The following CALN1 variants were observed in gnomAD, a reference collection of about 807,000 sequenced individuals.
The protein encoded by CALN1 is calcium-binding protein 8.
Under a neutral mutation model 30.6 loss-of-function variants are expected in CALN1, and 17 were observed. That is an observed-to-expected ratio of 0.56 (90% CI 0.38 to 0.83). The LOEUF is 0.83. Ranked by LOEUF, CALN1 falls within the 40% of genes least tolerant of loss-of-function variation. The pLI is 0.00. For missense variants in CALN1, 291 were observed against 354.9 expected, an observed-to-expected ratio of 0.82 and a Z score of 1.45; for synonymous variants, 156 against 131.4, an observed-to-expected ratio of 1.19 and a Z score of -1.28.
intron 2 of CALN1, among the ~76,000 whole-genome samples, chr7:72,320,698 G>A (rs1029419913): frequency 6.6e-6 from 1 of 151,980 alleles, no homozygotes; most frequent in South Asian, 2.1e-4. Flanking sequence ...ACCCAGGCAT[G>A]GTGGCATGCA....
chr7:71,786,844 C>G lies in CALN1; in HGVS notation c.*931G>C, dbSNP rs535625215. The stretch of plus-strand genomic sequence containing the variant: ...ACCGCCAGTCCCAGTCCCCTCCCCC[C>G]TCAACCTGCCTCACCCCTGCCCCAA... On this transcript the variant is annotated 3_prime_UTR_variant, in exon 7 of 7. Coordinates refer to ENST00000395275, the MANE Select transcript of CALN1 (RefSeq NM_031468.4). 1 of 152,694 alleles carries G rather than the reference C, an allele frequency of 6.5e-6. No individual in the cohort carries two copies. Among genetic ancestry groups the G allele is most frequent in the Admixed American group, 6.5e-5 (1 of 15,294 alleles). 9.5% of individuals were successfully genotyped at this position (152,694 alleles called of 1,614,324 possible).
At chr7:72,325,590 A>C (rs1801213541) in intron 2 of CALN1, among the ~76,000 whole-genome samples, 1 of 152,186 alleles carries the variant, frequency 6.6e-6, no homozygotes. Flanking sequence ...AACGAGATTG[A>C]AACTCTGTCT....
intron 1 of CALN1, among the ~76,000 whole-genome samples, chr7:72,410,930 A>C (rs1807087729): frequency 6.6e-6 from 1 of 151,922 alleles, no homozygotes; most frequent in South Asian, 2.1e-4. Context: ...TTAGACAATT[A>C]GAGGCATAAG....
intron 5 of CALN1, among the ~76,000 whole-genome samples, chr7:72,002,490 T>C (rs529030523): frequency 6.6e-6 from 1 of 152,202 alleles, no homozygotes; most frequent in Admixed American, 6.5e-5. Flanking sequence ...CATTATAAAG[T>C]TGAAAAATTG....
chr7:72,180,766 C>T (rs1272570002), intron 3 of CALN1, among the ~76,000 whole-genome samples: 1 of 151,684 alleles, frequency 6.6e-6, no homozygotes, highest in African/African-American at 2.4e-5. Flanking sequence ...CCACGCCGGG[C>T]TTGTTTATGC....
At chr7:71,951,692 G>A (rs1224340668) in intron 5 of CALN1, among the ~76,000 whole-genome samples, 1 of 152,198 alleles carries the variant, frequency 6.6e-6, no homozygotes, top group Non-Finnish European at 1.5e-5. Context: ...AGTCTGGTCT[G>A]CTATAGCATC....
chr7:72,132,472 T>C (rs528972665), intron 3 of CALN1, among the ~76,000 whole-genome samples: 1 of 152,248 alleles, frequency 6.6e-6, no homozygotes, highest in South Asian at 2.1e-4. Context: ...TGGGGACCAT[T>C]TGAAGTTAGT....
Position 72,193,983 on chromosome 7 carries a change from A to C in CALN1, c.244+84703T>G, listed in dbSNP as rs79612107. Among the ~76,000 whole-genome samples, 852 of 152,336 alleles carry C rather than the reference A, an allele frequency of 5.6e-3. 9 individuals carry two copies. Among genetic ancestry groups the C allele is most frequent in the African/African-American group, 0.019 (776 of 41,574 alleles). On this transcript the variant is annotated intron_variant, in intron 3 of 6. Coordinates refer to ENST00000395275, the MANE Select transcript of CALN1 (RefSeq NM_031468.4). The stretch of plus-strand genomic sequence containing the variant: ...AAAGGGTGGGAGGGGGTGAGAGATA[A>C]GACTACACATTGGGTACAGTGTACA...
At chr7:71,980,089 G>C (rs1418474145) in intron 5 of CALN1, among the ~76,000 whole-genome samples, 1 of 150,992 alleles carries the variant, frequency 6.6e-6, no homozygotes. Flanking sequence ...TGTTGGCCAG[G>C]CTGGTCTCAA....
intron 1 of CALN1, among the ~76,000 whole-genome samples, chr7:72,423,884 A>AGGGGAGAAGGAAGGAAGGGAGGG (rs1562963704): frequency 1.4e-5 from 2 of 138,844 alleles, no homozygotes; most frequent in Admixed American, 1.5e-4. Context: ...GAGGGAGGAA[A>AGGGGAGAAGGAAGGAAGGGAGGG]GGGGAGAAGG....
intron 2 of CALN1, among the ~76,000 whole-genome samples, chr7:72,286,341 GTATGCAAGGTGGCTAGGA>G (rs1562840540): frequency 1.3e-5 from 2 of 152,168 alleles, no homozygotes; most frequent in African/African-American, 4.8e-5. Flanking sequence ...ATAACTCCCA[GTATGCAAGGTGGCTAGGA>G]ATGGAAGGTC....
At chr7:72,062,234 G>A (rs1208401289) in intron 4 of CALN1, among the ~76,000 whole-genome samples, 1 of 152,164 alleles carries the variant, frequency 6.6e-6, no homozygotes, top group East Asian at 1.9e-4. Flanking sequence ...TGATACCAGG[G>A]CTGGGCACAG....
intron 5 of CALN1, among the ~76,000 whole-genome samples, chr7:71,829,913 A>G (rs1789157975): frequency 6.6e-6 from 1 of 152,232 alleles, no homozygotes; most frequent in Non-Finnish European, 1.5e-5. Context: ...TTTATGTGAA[A>G]CAGACAAGCA....
chr7:71,911,357 C>T (rs945720576), intron 5 of CALN1, among the ~76,000 whole-genome samples: 6 of 152,246 alleles, frequency 3.9e-5, no homozygotes, highest in Middle Eastern at 3.4e-3. Flanking sequence ...CCTGGGGATT[C>T]GTCTCAGCAG....
intron 5 of CALN1, among the ~76,000 whole-genome samples, chr7:71,885,085 T>C (rs1792818706): frequency 6.6e-6 from 1 of 152,196 alleles, no homozygotes. Context: ...ACTTCACCTA[T>C]AGCCTGGAAG....
intron 3 of CALN1, among the ~76,000 whole-genome samples, chr7:72,218,937 G>C (rs373132052): frequency 6.6e-6 from 1 of 152,188 alleles, no homozygotes; most frequent in South Asian, 2.1e-4. Flanking sequence ...GGCTGGGTAG[G>C]AGAGATGCAA....
intron 5 of CALN1, among the ~76,000 whole-genome samples, chr7:71,950,050 C>T (rs1796610762): frequency 6.6e-6 from 1 of 152,182 alleles, no homozygotes; most frequent in Admixed American, 6.6e-5. Context: ...GTGTGAGCCA[C>T]CGTGCCTGGC....
At chr7:72,274,517 A>G (rs1193140370) in intron 3 of CALN1, among the ~76,000 whole-genome samples, 2 of 152,132 alleles carry the variant, frequency 1.3e-5, no homozygotes, top group Non-Finnish European at 2.9e-5. Context: ...AAAAAAAAAA[A>G]AAAGATAGTA....
chr7:72,350,898 T>A (rs1802887120), intron 2 of CALN1, among the ~76,000 whole-genome samples: 1 of 152,168 alleles, frequency 6.6e-6, no homozygotes, highest in African/African-American at 2.4e-5. Context: ...CCCAGCACTT[T>A]GGGAGGCCAA....
Sources: gnomAD v4.1 joint callset for allele counts (sites outside exome capture counted in the v4.1 genomes callset) on GRCh38, gnomAD v4.1.1 for gene constraint, MANE v1.5 for transcripts, NCBI Gene and HGNC (gene_info 2026-07-23, HGNC 2026-07-21) for gene names.